Variants in KCNAB1 observed in about 807,000 individuals in gnomAD.
The protein encoded by KCNAB1 is potassium voltage-gated channel subfamily A regulatory beta subunit 1, also known as voltage-gated potassium channel subunit beta-1.
KCNAB1 carries 35 observed loss-of-function variants against 64.6 expected under a neutral mutation model. The observed-to-expected ratio is 0.54, with a 90% confidence interval of 0.41 to 0.72. The LOEUF (loss-of-function observed/expected upper bound fraction) is 0.72. Ranked by LOEUF, KCNAB1 falls within the 30% of genes least tolerant of loss-of-function variation. KCNAB1 has a pLI of 0.00. For missense variants in KCNAB1, 401 were observed against 512.9 expected, an observed-to-expected ratio of 0.78 and a Z score of 2.11; for synonymous variants, 177 against 183.8, an observed-to-expected ratio of 0.96 and a Z score of 0.30.
intron 1 of KCNAB1, among the ~76,000 whole-genome samples, chr3:156,266,699 T>C (rs954573548): frequency 1.3e-5 from 2 of 152,234 alleles, no homozygotes; most frequent in African/African-American, 2.4e-5. Context: ...ACTCCCTGCC[T>C]GACTTCTCAA....
Position 156,285,645 on chromosome 3 carries a change from T to C in KCNAB1, c.276-135971T>C, listed in dbSNP as rs550875355. On this transcript the variant is annotated intron_variant, in intron 1 of 13. Transcript: ENST00000490337. Reference sequence around the variant, plus strand: ...CCTCCTGGGTGCCTGGGACCACAAGTAGGGGCCATCATGCCCAGCTAATTT... The same window carrying C: ...CCTCCTGGGTGCCTGGGACCACAAGCAGGGGCCATCATGCCCAGCTAATTT... 1.4e-3 allele frequency among the ~76,000 whole-genome samples: 213 copies of C among 152,218 alleles called. 1 individual carries two copies. The highest frequency in any genetic ancestry group is 4.7e-3 in the African/African-American group (197 of 41,536).
chr3:156,342,192 C>G (rs1213819524), intron 1 of KCNAB1, among the ~76,000 whole-genome samples: 2 of 152,192 alleles, frequency 1.3e-5, no homozygotes, highest in Non-Finnish European at 2.9e-5. Context: ...CCTTTCACTT[C>G]TGCATTTCTT....
At chr3:156,459,719 G>A (rs1008895736) in intron 4 of KCNAB1, 108 bp from the exon 5 acceptor site, 2 of 735,656 alleles carry the variant, frequency 2.7e-6, no homozygotes, top group African/African-American at 3.7e-5. Flanking sequence ...CTATTTTCGG[G>A]ATATGTAGGC....
intron 1 of KCNAB1, among the ~76,000 whole-genome samples, chr3:156,416,001 C>T (rs891830838): frequency 1.3e-5 from 2 of 152,184 alleles, no homozygotes; most frequent in Non-Finnish European, 2.9e-5. Context: ...CCCAGCTGGC[C>T]AAATCAGAAA....
chr3:156,424,890 A>G (rs575218476), intron 2 of KCNAB1, among the ~76,000 whole-genome samples: 1 of 152,220 alleles, frequency 6.6e-6, no homozygotes, highest in East Asian at 1.9e-4. Context: ...AACACTTGTA[A>G]TAAGACACTG....
chr3:156,173,565 A>T (rs1203182562), intron 1 of KCNAB1, among the ~76,000 whole-genome samples: 1 of 152,210 alleles, frequency 6.6e-6, no homozygotes, highest in Non-Finnish European at 1.5e-5. Flanking sequence ...TGGGAGTCTC[A>T]GTCAAGCCCC....
chr3:156,157,472 C>A (rs1715790231), intron 1 of KCNAB1, among the ~76,000 whole-genome samples: 1 of 152,138 alleles, frequency 6.6e-6, no homozygotes, highest in Non-Finnish European at 1.5e-5. Context: ...AGCATCTCTG[C>A]CCCCTGATTG....
chr3:156,328,919 T>C (rs955666433), intron 1 of KCNAB1, among the ~76,000 whole-genome samples: 3 of 152,214 alleles, frequency 2.0e-5, no homozygotes. Context: ...ATTATTTCTA[T>C]AGTCTATCAA....
chr3:156,526,673 C>T (rs1220709668), intron 12 of KCNAB1, among the ~76,000 whole-genome samples: 2 of 152,176 alleles, frequency 1.3e-5, no homozygotes, highest in Non-Finnish European at 2.9e-5. Context: ...GCACCTCAGG[C>T]TCACTCTCAC....
chr3:156,317,698 G>A lies in KCNAB1; in HGVS notation c.276-103918G>A, dbSNP rs189421315. 4.1e-4 allele frequency among the ~76,000 whole-genome samples: 63 copies of A among 152,280 alleles called. 1 individual carries two copies. In the South Asian group the frequency reaches 6.4e-3, roughly 16 times the overall value. ...GCAGAAGGGAAAAGAATGGCTATAT[G>A]ACAGATGATTTACAATAGCCTTGCA... is the stretch of plus-strand genomic sequence containing the variant. On this transcript the variant is annotated intron_variant, in intron 1 of 13. Coordinates refer to ENST00000490337, the MANE Select transcript of KCNAB1 (RefSeq NM_172160.3).
intron 1 of KCNAB1, among the ~76,000 whole-genome samples, chr3:156,275,943 G>A (rs188542237): frequency 6.6e-6 from 1 of 151,700 alleles, no homozygotes; most frequent in African/African-American, 2.4e-5. Flanking sequence ...GTTCTTAATG[G>A]CATCTAGAAT....
chr3:156,420,154 A>G (rs1438210739), intron 1 of KCNAB1, among the ~76,000 whole-genome samples: 1 of 152,224 alleles, frequency 6.6e-6, no homozygotes, highest in Non-Finnish European at 1.5e-5. Context: ...AGCACCAGAA[A>G]TCGCTATGCC....
At chr3:156,520,952 G>C (rs887526550) in intron 11 of KCNAB1, among the ~76,000 whole-genome samples, 1 of 152,136 alleles carries the variant, frequency 6.6e-6, no homozygotes. Flanking sequence ...CAACTAATTA[G>C]GGATCTGGGG....
intron 1 of KCNAB1, among the ~76,000 whole-genome samples, chr3:156,225,349 G>A (rs765629671): frequency 1.9e-4 from 29 of 152,096 alleles, no homozygotes; most frequent in Non-Finnish European, 3.8e-4. Flanking sequence ...TGCAGAAAAA[G>A]CATTTGACAA....
intron 1 of KCNAB1, among the ~76,000 whole-genome samples, chr3:156,258,240 T>C (rs111546303): frequency 2.0e-5 from 3 of 152,300 alleles, no homozygotes; most frequent in African/African-American, 7.2e-5. Flanking sequence ...GGAGCGTCTA[T>C]CTTACCTGAA....
chr3:156,268,693 C>T (rs890846685), intron 1 of KCNAB1, among the ~76,000 whole-genome samples: 3 of 152,084 alleles, frequency 2.0e-5, no homozygotes, highest in Non-Finnish European at 2.9e-5. Context: ...GATATTTTGT[C>T]CATTTTCAAA....
At chr3:156,410,443 C>T (rs569460172) in intron 1 of KCNAB1, among the ~76,000 whole-genome samples, 2 of 152,306 alleles carry the variant, frequency 1.3e-5, no homozygotes, top group South Asian at 2.1e-4. Context: ...ATTCATTTCT[C>T]ATAGTCTGTA....
chr3:156,311,960 A>C (rs1721939568), intron 1 of KCNAB1, among the ~76,000 whole-genome samples: 1 of 152,190 alleles, frequency 6.6e-6, no homozygotes, highest in Admixed American at 6.5e-5. Flanking sequence ...GCATGTCCCT[A>C]CCTGGGCAGC....
intron 13 of KCNAB1, among the ~76,000 whole-genome samples, chr3:156,533,484 G>A (rs1319987767): frequency 1.3e-5 from 2 of 152,184 alleles, no homozygotes; most frequent in African/African-American, 4.8e-5. Context: ...CAGATGCACT[G>A]ACGTGGAGAG....
Sources: gnomAD v4.1 joint callset for allele counts (sites outside exome capture counted in the v4.1 genomes callset) on GRCh38, gnomAD v4.1.1 for gene constraint, MANE v1.5 for transcripts, NCBI Gene and HGNC (gene_info 2026-07-23, HGNC 2026-07-21) for gene names.